CCND3: variants seen among roughly 807,000 people sequenced by gnomAD.
CCND3 encodes G1/S-specific cyclin-D3.
In CCND3, 9 loss-of-function variants were observed where a neutral mutation model predicts 28.7. The observed-to-expected ratio is 0.31, with a 90% CI of 0.19 to 0.55. The LOEUF (loss-of-function observed/expected upper bound fraction) is 0.55, where lower values mean the gene tolerates loss of function less well. Ranked by LOEUF, CCND3 falls within the 20% of genes least tolerant of loss-of-function variation. The probability of loss-of-function intolerance (pLI) is 0.93; values close to 1 mark genes in which losing one functional copy is unlikely to be tolerated. For synonymous variants in CCND3, 164 were observed against 163.9 expected, an observed-to-expected ratio of 1.00 and a Z score of 0.00; for missense variants, 315 against 385.8, an observed-to-expected ratio of 0.82 and a Z score of 1.54.
At position 42,046,406 on chromosome 6, in the gene CCND3, C is replaced by T. The variant is rs973572296; in HGVS notation, c.-46+2095G>A. ...ACCCACTCCTTGGCCATCTTCCTTA[C>T]TCATCTACCAAGCTGGAATGCACAT... On this transcript the variant is annotated intron_variant, in intron 1 of 4. Coordinates refer to the CCND3 transcript ENST00000372988. 3.3e-4 allele frequency among the ~76,000 whole-genome samples: 50 copies of T among 152,194 alleles called. 1 individual carries two copies. The highest frequency in any genetic ancestry group is 6.3e-4 in the Non-Finnish European group (43 of 68,034).
chr6:42,001,757 T>A (rs529798362), intron 1 of CCND3, among the ~76,000 whole-genome samples: 2 of 152,070 alleles, frequency 1.3e-5, no homozygotes, highest in Admixed American at 6.6e-5. Context: ...CTTTCTAGGA[T>A]AATAGAACTG....
chr6:41,958,235 G>A (rs545355153), intron 1 of CCND3, among the ~76,000 whole-genome samples: 1 of 151,622 alleles, frequency 6.6e-6, no homozygotes, highest in African/African-American at 2.4e-5. Context: ...GACTCCAAGT[G>A]ATTCGCCCAC....
At chr6:41,956,852 C>T (rs951365885) in intron 1 of CCND3, among the ~76,000 whole-genome samples, 3 of 151,940 alleles carry the variant, frequency 2.0e-5, no homozygotes, top group Non-Finnish European at 2.9e-5. Context: ...CACAGTGAAA[C>T]CCCGCCTCTA....
upstream of CCND3, among the ~76,000 whole-genome samples, chr6:41,942,872 C>CTTTTT (rs60884050): frequency 2.7e-4 from 22 of 82,572 alleles, no homozygotes; most frequent in South Asian, 8.1e-4. Flanking sequence ...GTTAATTATT[C>CTTTTT]TTTTTTTTTT....
At chr6:41,963,441 A>G (rs1365571455) in intron 1 of CCND3, among the ~76,000 whole-genome samples, 1 of 152,230 alleles carries the variant, frequency 6.6e-6, no homozygotes, top group African/African-American at 2.4e-5. Context: ...AGCTTTACAT[A>G]AGGAAAAGTG....
Position 41,978,206 on chromosome 6 carries a change from C to T in CCND3, c.-45-37621G>A, listed in dbSNP as rs143722153. ...TGGCTACCATGGTGAAACCCCATCT[C>T]TACCAAAAATATAAAAAATTAGCCG... On this transcript the variant is annotated intron_variant, in intron 1 of 4. Transcript: ENST00000372988. Among the ~76,000 whole-genome samples the T allele has an allele frequency of 7.6e-3, 1,156 of 151,740 alleles. 8 individuals carry two copies. The highest frequency in any genetic ancestry group is 0.012 in the Non-Finnish European group (786 of 67,928).
At chr6:41,949,321 A>G (rs1309907488) in intron 1 of CCND3, among the ~76,000 whole-genome samples, 1 of 152,168 alleles carries the variant, frequency 6.6e-6, no homozygotes, top group African/African-American at 2.4e-5. Flanking sequence ...CCTGGCCAAC[A>G]TAGTGGAACC....
intron 1 of CCND3, among the ~76,000 whole-genome samples, chr6:42,035,677 C>T (rs1304114279): frequency 1.7e-5 from 2 of 119,314 alleles, no homozygotes; most frequent in Admixed American, 9.0e-5. Flanking sequence ...AGTTTCTTTT[C>T]TTTTCTTTTT....
chr6:41,937,375 A>G lies in CCND3; in HGVS notation c.434T>C (p.Leu145Pro). The change falls in exon 3 of 5, where the codon CTA becomes CCA. Residue 145 changes from leucine to proline, a missense_variant. By Grantham distance (98) the Leu-to-Pro change is moderately conservative (BLOSUM62 -3). Transcript: ENST00000372991. The part of the protein sequence containing the change: ...RQLRDWEVLV[L>P]GKLKWDLAAV... ...AGCCAGGTCCCACTTGAGCTTCCCT[A>G]GGACCAGCACCTCCCAGTCCTGAAA... 1 of 1,614,172 alleles carries G rather than the reference A, an allele frequency of 6.2e-7. No individual in the cohort carries two copies. The highest frequency in any genetic ancestry group is 8.5e-7 in the Non-Finnish European group (1 of 1,180,024).
At chr6:41,944,902 G>A (rs1402195950), upstream of CCND3, among the ~76,000 whole-genome samples, 1 of 152,170 alleles carries the variant, frequency 6.6e-6, no homozygotes, top group Non-Finnish European at 1.5e-5. Flanking sequence ...CTGACTTTCA[G>A]GGCCAAGGAC....
intron 1 of CCND3, among the ~76,000 whole-genome samples, chr6:42,024,448 T>G: frequency 6.6e-6 from 1 of 150,630 alleles, no homozygotes. Context: ...ACAGCTGGTG[T>G]GTGGAAGAGG....
Position 41,941,263 on chromosome 6 carries a change from G to GAGCC in CCND3, c.198+185_198+188dup. ...AGTGACTGGCAGTCACTGTCGGGAG[G>GAGCC]AGCCGATTAGGGCTCGGGAAAGCAA... On this transcript the variant is annotated intron_variant, in intron 1 of 4. Transcript: ENST00000372991. The surrounding 1 kb of genome is among the most constrained non-coding windows in gnomAD (Gnocchi z 6.1). The GAGCC allele has an allele frequency of 7.0e-7, 1 of 1,436,632 alleles. No individual in the cohort carries two copies. Among genetic ancestry groups the GAGCC allele is most frequent in the South Asian group, 1.5e-5 (1 of 67,248 alleles). 89.0% of individuals were successfully genotyped at this position (1,436,632 alleles called of 1,614,324 possible).
At chr6:42,047,642 TG>T (rs1167182358) in intron 1 of CCND3, among the ~76,000 whole-genome samples, 1 of 152,202 alleles carries the variant, frequency 6.6e-6, no homozygotes, top group Non-Finnish European at 1.5e-5. Context: ...CTGCCTTTTC[TG>T]GGATTCATCC....
chr6:41,949,361 T>C (rs4714522), intron 1 of CCND3, among the ~76,000 whole-genome samples: 122,621 of 152,066 alleles, frequency 0.81, 50,157 homozygotes, highest in African/African-American at 0.94. Flanking sequence ...AAAAATTAGC[T>C]AGGCATGGTG....
chr6:41,940,628 G>A, intron 1 of CCND3, 43 bp from the exon 2 acceptor site: 2 of 1,173,890 alleles, frequency 1.7e-6, no homozygotes, highest in South Asian at 1.2e-5. Flanking sequence ...GGAGCGTGGG[G>A]AACACAGCAG....
intron 1 of CCND3, among the ~76,000 whole-genome samples, chr6:41,995,269 G>A (rs554318252): frequency 2.6e-5 from 4 of 151,634 alleles, no homozygotes; most frequent in Non-Finnish European, 5.9e-5. Flanking sequence ...TCTTTTTTGT[G>A]GGGGGTGGGG....
chr6:42,039,221 A>G (rs1229559666), intron 1 of CCND3, among the ~76,000 whole-genome samples: 3 of 152,240 alleles, frequency 2.0e-5, no homozygotes, highest in African/African-American at 7.2e-5. Flanking sequence ...TTTAAAATAG[A>G]GACTTTAATA....
chr6:41,944,861 TGGAATAGCCATGCCTAGA>T (rs1198267393), upstream of CCND3, among the ~76,000 whole-genome samples: 12 of 152,254 alleles, frequency 7.9e-5, no homozygotes, highest in African/African-American at 2.9e-4. Context: ...CACCCCTGGA[TGGAATAGCCATGCCTAGA>T]GCTAGATCAT....
intron 3 of CCND3, 148 bp downstream of exon 3, chr6:41,937,087 G>T: frequency 1.2e-6 from 1 of 824,316 alleles, no homozygotes; most frequent in Non-Finnish European, 2.0e-6. Context: ...ATTATAACCT[G>T]CTTTTCTGCA....
Sources: allele counts gnomAD v4.1 joint callset (sites outside exome capture counted in the v4.1 genomes callset), GRCh38; gene constraint gnomAD v4.1.1; non-coding constraint Gnocchi (gnomAD v3.1); transcripts MANE v1.5; gene names NCBI Gene and HGNC (gene_info 2026-07-23, HGNC 2026-07-21).